Variants in MCC observed in about 807,000 individuals in gnomAD.
MCC encodes the protein MCC regulator of Wnt signaling pathway, also known as colorectal mutant cancer protein.
MCC carries 90 observed loss-of-function variants against 116.2 expected under a neutral mutation model. The observed-to-expected ratio is 0.77, with a 90% CI of 0.65 to 0.92. The LOEUF is 0.92. MCC is among the 40% of genes least tolerant of loss of function. The pLI is 0.00. For missense variants in MCC, 1,516 were observed against 1,312.2 expected, an observed-to-expected ratio of 1.16 and a Z score of -2.40; for synonymous variants, 578 against 510.5, an observed-to-expected ratio of 1.13 and a Z score of -1.78.
intron 3 of MCC, among the ~76,000 whole-genome samples, chr5:113,191,944 T>C (rs927130975): frequency 1.3e-5 from 2 of 152,226 alleles, no homozygotes; most frequent in African/African-American, 2.4e-5. Flanking sequence ...GTACAAGCCC[T>C]GGATAAGTTA....
intron 2 of MCC, among the ~76,000 whole-genome samples, chr5:113,358,762 C>G (rs1768473669): frequency 6.6e-6 from 1 of 152,206 alleles, no homozygotes; most frequent in Non-Finnish European, 1.5e-5. Context: ...AGCATATTTA[C>G]TATTTCTAGA....
intron 3 of MCC, among the ~76,000 whole-genome samples, chr5:113,257,192 G>C (rs897048569): frequency 2.0e-5 from 3 of 152,144 alleles, no homozygotes; most frequent in Non-Finnish European, 2.9e-5. Flanking sequence ...TGGGCTTTTG[G>C]CATATACTCC....
intron 3 of MCC, among the ~76,000 whole-genome samples, chr5:113,191,220 G>C (rs1226880094): frequency 6.6e-6 from 1 of 152,146 alleles, no homozygotes; most frequent in Non-Finnish European, 1.5e-5. Context: ...GGAAAGGCTG[G>C]TCTCCCCCAT....
chr5:113,247,075 A>G (rs772359002), intron 3 of MCC, among the ~76,000 whole-genome samples: 1 of 152,248 alleles, frequency 6.6e-6, no homozygotes, highest in Non-Finnish European at 1.5e-5. Context: ...TGACAAAGGA[A>G]GGTGCTGGAC....
In MCC at chr5:113,024,865, T is replaced by C. The variant is rs1209274522; in HGVS notation, c.*2437A>G. On this transcript the variant is annotated 3_prime_UTR_variant, in exon 19 of 19. Coordinates refer to ENST00000408903, the MANE Select transcript of MCC (RefSeq NM_001085377.2). Reference sequence around the variant, plus strand: ...AATACAAGAAAAGGAAAAACTTTTATAGCTTTTTTATTATACATATTTATA... The same window carrying C: ...AATACAAGAAAAGGAAAAACTTTTACAGCTTTTTTATTATACATATTTATA... 1 of 152,238 alleles carries C rather than the reference T, an allele frequency of 6.6e-6. No homozygotes were observed. The highest frequency in any genetic ancestry group is 1.5e-5 in the Non-Finnish European group (1 of 68,048). The allele number at this position is 152,238 out of a possible 1,614,324, so 9.4% of individuals were successfully genotyped here.
intron 1 of MCC, among the ~76,000 whole-genome samples, chr5:113,427,313 CT>C (rs2150409432): frequency 6.6e-6 from 1 of 152,230 alleles, no homozygotes; most frequent in South Asian, 2.1e-4. Context: ...TTCCCAAATG[CT>C]TATGTGGACT....
In MCC at chr5:113,220,068, T is replaced by TC. The variant is rs1467702049; in HGVS notation, c.628-68647_628-68646insG. On this transcript the variant is annotated intron_variant, in intron 3 of 18. Transcript: ENST00000408903. ...CTGCATGTCAATTTCTTTTTCTTTT[T>TC]TTTTTTTGAGACGGAGTCTTGCTCT... 4.0e-4 allele frequency among the ~76,000 whole-genome samples: 28 copies of TC among 69,882 alleles called. 2 individuals are homozygous for TC. The highest frequency in any genetic ancestry group is 6.6e-4 in the African/African-American group (25 of 37,736). The allele number at this position is 69,882 out of a possible 152,430, so 45.8% of individuals were successfully genotyped here.
At chr5:113,141,933 G>T (rs560134250) in intron 5 of MCC, among the ~76,000 whole-genome samples, 104 of 152,252 alleles carry the variant, frequency 6.8e-4, no homozygotes, top group African/African-American at 2.5e-3. Context: ...AGTGTCCTAT[G>T]CCAGGCTCCT....
chr5:113,372,357 G>A (rs1488308542), intron 2 of MCC, among the ~76,000 whole-genome samples: 2 of 152,194 alleles, frequency 1.3e-5, no homozygotes, highest in Non-Finnish European at 2.9e-5. Flanking sequence ...TACTACTTGA[G>A]ACATCATTTT....
intron 14 of MCC, among the ~76,000 whole-genome samples, chr5:113,061,712 C>T (rs868791248): frequency 4.6e-5 from 7 of 152,268 alleles, no homozygotes; most frequent in African/African-American, 1.7e-4. Context: ...GCTGGAGGCA[C>T]AATACTCAGC....
At chr5:113,204,571 A>T (rs981073350) in intron 3 of MCC, 9 of 152,208 alleles carry the variant, frequency 5.9e-5, no homozygotes, top group African/African-American at 2.2e-4. Flanking sequence ...AGTTAGGCAG[A>T]TCTGAGGGTG....
intron 3 of MCC, among the ~76,000 whole-genome samples, chr5:113,281,758 T>C (rs1193739793): frequency 1.3e-5 from 2 of 152,200 alleles, no homozygotes; most frequent in Admixed American, 6.5e-5. Context: ...CAGCAGGCAG[T>C]GAGACTCTCA....
At chr5:113,431,922 G>T (rs1261044765) in intron 1 of MCC, among the ~76,000 whole-genome samples, 1 of 152,130 alleles carries the variant, frequency 6.6e-6, no homozygotes, top group Non-Finnish European at 1.5e-5. Flanking sequence ...CAGATCACGA[G>T]GTCAAGAGAT....
intron 3 of MCC, among the ~76,000 whole-genome samples, chr5:113,183,367 C>T (rs1761725054): frequency 6.6e-6 from 1 of 152,214 alleles, no homozygotes; most frequent in African/African-American, 2.4e-5. Flanking sequence ...TAATTCAAAT[C>T]TATCTTTTCT....
chr5:113,315,135 C>T (rs1317122613), intron 3 of MCC, among the ~76,000 whole-genome samples: 1 of 152,132 alleles, frequency 6.6e-6, no homozygotes, highest in East Asian at 1.9e-4. Flanking sequence ...GTTTGTGATC[C>T]TTACTATTGG....
intron 6 of MCC, 119 bp from the exon 7 acceptor site, chr5:113,104,474 A>G (rs1756618678): frequency 2.4e-6 from 2 of 825,060 alleles, no homozygotes; most frequent in South Asian, 4.2e-5. Context: ...TTCAAAGTTC[A>G]ACACCAGCCA....
rs547221714 is a variant in MCC at position 113,081,330 on chromosome 5, C to T, written c.1784+1530G>A. 2.0e-5 allele frequency among the ~76,000 whole-genome samples: 3 copies of T among 152,280 alleles called. No individual in the cohort carries two copies. The East Asian group carries it at 5.8e-4, about 29-fold the overall frequency. ...AGTCACTCAACTTGGGACTTCAAAG[C>T]CTTTGTTTTCTCATTTGCAAAACAG... On this transcript the variant is annotated intron_variant, in intron 11 of 18. Coordinates refer to ENST00000408903, the MANE Select transcript of MCC (RefSeq NM_001085377.2).
rs189173092 is a variant in MCC at position 113,085,541 on chromosome 5, C to G, written c.1399-231G>C. On this transcript the variant is annotated intron_variant, in intron 8 of 18. Transcript: ENST00000408903. ...GTAATACAAAAAGTAGAGTTATAAA[C>G]CAAAGTGATGATATTACTAGTTTTT... Among the ~76,000 whole-genome samples, 166 of 151,868 alleles carry G rather than the reference C, an allele frequency of 1.1e-3. 2 individuals are homozygous for G. Among genetic ancestry groups the G allele is most frequent in the Non-Finnish European group, 3.2e-4 (22 of 67,974 alleles).
chr5:113,085,967 G>T (rs181101532), intron 8 of MCC, among the ~76,000 whole-genome samples: 2 of 152,190 alleles, frequency 1.3e-5, no homozygotes, highest in Non-Finnish European at 2.9e-5. Context: ...TGGGATTACC[G>T]GCATGAGCCA....
Sources: gnomAD v4.1 joint callset for allele counts (sites outside exome capture counted in the v4.1 genomes callset) on GRCh38, gnomAD v4.1.1 for gene constraint, MANE v1.5 for transcripts, NCBI Gene and HGNC (gene_info 2026-07-23, HGNC 2026-07-21) for gene names.